CASKIN2: variants seen among roughly 807,000 people sequenced by gnomAD.
CASKIN2 encodes the protein CASK interacting protein 2.
CASKIN2 carries 41 observed loss-of-function variants against 107.1 expected under a neutral mutation model. The observed-to-expected ratio is 0.38, with a 90% CI of 0.30 to 0.50. The LOEUF is 0.50. Among genes scored for constraint, CASKIN2 ranks in the 20% least tolerant of loss-of-function variants. The pLI is 0.92. For synonymous variants in CASKIN2, 724 were observed against 705.6 expected, an observed-to-expected ratio of 1.03 and a Z score of -0.41; for missense variants, 1,546 against 1,657.4, an observed-to-expected ratio of 0.93 and a Z score of 1.17.
At chr17:75,503,807 C>T in intron 15 of CASKIN2, 45 bp downstream of exon 15, 3 of 1,609,970 alleles carry the variant, frequency 1.9e-6, no homozygotes, top group East Asian at 4.5e-5. Context: ...GCCTGCTGGG[C>T]CCTCCCCCGC....
chr17:75,501,231 G>A, intron 19 of CASKIN2, 61 bp from the exon 20 acceptor site: 1 of 1,452,894 alleles, frequency 6.9e-7, no homozygotes. Flanking sequence ...CTGGCCCTGG[G>A]GCAGGGAGCT....
intron 4 of CASKIN2, among the ~76,000 whole-genome samples, 158 bp from the exon 5 acceptor site, chr17:75,507,287 C>T (rs982018753): frequency 6.6e-6 from 1 of 151,232 alleles, no homozygotes; most frequent in Non-Finnish European, 1.5e-5. Context: ...AGGTTCGGCT[C>T]GACAGGGCTG....
Position 75,506,588 on chromosome 17 carries a change from G to T in CASKIN2, c.612C>A (p.Val204=). 1 of 1,613,112 alleles carries T rather than the reference G, an allele frequency of 6.2e-7. No homozygotes were observed. Among genetic ancestry groups the T allele is most frequent in the South Asian group, 1.1e-5 (1 of 91,046 alleles). ...HLAAKNGHRE[V]IRQLLRAGIE... ...CGAGGGGACCCCAAGGGTACCTGAT[G>T]ACTTCTCTGTGGCCATTCTTGGCAG... Residue 204 remains valine (V), a synonymous_variant, in exon 7 of 20, where the codon GTC becomes GTA. Coordinates refer to ENST00000321617, the MANE Select transcript of CASKIN2 (RefSeq NM_020753.5). The surrounding 1 kb of genome is among the most constrained non-coding windows in gnomAD (Gnocchi z 4.8).
At chr17:75,510,090 G>T (rs1318082172) in intron 2 of CASKIN2, among the ~76,000 whole-genome samples, 1 of 152,204 alleles carries the variant, frequency 6.6e-6, no homozygotes, top group Non-Finnish European at 1.5e-5. Context: ...CCTGGCGCTG[G>T]GGGTGGAAGG....
At chr17:75,508,406 C>T in intron 2 of CASKIN2, 121 bp from the exon 3 acceptor site, 1 of 1,085,180 alleles carries the variant, frequency 9.2e-7, no homozygotes, top group Non-Finnish European at 1.4e-6. Context: ...TGCCCCATGG[C>T]CTTCCGCCTG....
In CASKIN2 at chr17:75,507,142, A is replaced by G; in HGVS notation, c.245-13T>C. 6.2e-7 allele frequency: 1 copy of G among 1,602,686 alleles called. No individual in the cohort carries two copies. The highest frequency in any genetic ancestry group is 1.1e-5 in the South Asian group (1 of 90,568). On this transcript the variant is annotated splice_polypyrimidine_tract_variant and intron_variant, in intron 4 of 19. Coordinates refer to ENST00000321617, the MANE Select transcript of CASKIN2 (RefSeq NM_020753.5). The stretch of plus-strand genomic sequence containing the variant: ...AGCGGGCGCATGCCTGGCAGGAGGA[A>G]AGGGTTTCTGAGGGAGGTCCTGGGA...
At chr17:75,511,790 T>A (rs1330681967) in intron 2 of CASKIN2, among the ~76,000 whole-genome samples, 1 of 152,126 alleles carries the variant, frequency 6.6e-6, no homozygotes, top group Admixed American at 6.5e-5. Flanking sequence ...AGGGAACTTC[T>A]CGGAGCCTAA....
Position 75,506,627 on chromosome 17 carries a change from C to T in CASKIN2, c.573G>A (p.Thr191=), listed in dbSNP as rs147388151. The change falls in exon 7 of 20, where the codon ACG becomes ACA. Residue 191 remains threonine (T), a synonymous_variant. Coordinates refer to ENST00000321617, the MANE Select transcript of CASKIN2 (RefSeq NM_020753.5). The surrounding 1 kb of genome is among the most constrained non-coding windows in gnomAD (Gnocchi z 4.8). ...AKDPCDPNYT[T]PLHLAAKNGH... is the part of the protein sequence containing the mutation. ...CATTCTTGGCAGCCAAGTGCAGGGG[C>T]GTGGTGTAGTTGGGGTCACACGGGT... 813 of 1,612,948 alleles carry T rather than the reference C, an allele frequency of 5.0e-4. No individual in the cohort carries two copies. Among genetic ancestry groups the T allele is most frequent in the Non-Finnish European group, 6.5e-4 (763 of 1,179,854 alleles).
At chr17:75,503,625 G>A (rs766182506) in intron 16 of CASKIN2, 34 bp downstream of exon 16, 103 of 1,608,074 alleles carry the variant, frequency 6.4e-5, no homozygotes, top group Middle Eastern at 1.6e-4. Context: ...GTGACAGCAC[G>A]TGCCCCACTC....
At chr17:75,509,464 G>A (rs1042953243) in intron 2 of CASKIN2, 5 of 557,438 alleles carry the variant, frequency 9.0e-6, no homozygotes, top group Non-Finnish European at 1.1e-5. Context: ...CATGGCACAG[G>A]GAGGGAGGGG....
rs149873536 is a variant in CASKIN2 at position 75,503,885 on chromosome 17, A to G, written c.1545T>C (p.Tyr515=). Residue 515 remains tyrosine (Y), a synonymous_variant, in exon 15 of 20, where the codon TAT becomes TAC. Coordinates refer to ENST00000321617, the MANE Select transcript of CASKIN2 (RefSeq NM_020753.5). ...GYTAHFLQAG[Y]DVPTISRMTP... ...TCATGCGGCTGATGGTAGGCACATC[A>G]TAGCCGGCCTGCAGAAAGTGGGCAG... The G allele has an allele frequency of 7.5e-4, 1,215 of 1,612,748 alleles. No homozygotes were observed. The highest frequency in any genetic ancestry group is 9.5e-4 in the Non-Finnish European group (1,120 of 1,179,892).
chr17:75,504,918 G>A lies in CASKIN2; in HGVS notation c.1086C>T (p.Pro362=), dbSNP rs764042473. ...GTGTCCGGGAGAAGCCTGGGCGCAG[G>A]GGGGTGGGTGCGGAGGGGAGGCGGG... ...PAARLPSAPT[P]LRPGFSRTPQ... Residue 362 remains proline, a synonymous_variant, in exon 11 of 20, where the codon CCC becomes CCT. Transcript: ENST00000321617. The A allele has an allele frequency of 8.7e-6, 14 of 1,609,884 alleles. No homozygotes were observed. Among genetic ancestry groups the A allele is most frequent in the East Asian group, 6.7e-5 (3 of 44,818 alleles).
Position 75,513,807 on chromosome 17 carries a change from T to C in CASKIN2, c.-3A>G. 1 of 1,612,416 alleles carries C rather than the reference T, an allele frequency of 6.2e-7. No individual in the cohort carries two copies. The highest frequency in any genetic ancestry group is 8.5e-7 in the Non-Finnish European group (1 of 1,179,584). On this transcript the variant is annotated 5_prime_UTR_variant, in exon 2 of 20. Coordinates refer to ENST00000321617, the MANE Select transcript of CASKIN2 (RefSeq NM_020753.5). ...ATCAGGTCCTGTTCACGACCCATAC[T>C]GGCTCCTGGGCTGAGCTCTACACTC...
In CASKIN2 at chr17:75,502,700, G is replaced by T. The variant is rs747907169; in HGVS notation, c.2374C>A (p.Pro792Thr). The change falls in exon 18 of 20, where the codon CCT (proline) becomes ACT (threonine). Residue 792 changes from proline (P) to threonine (T), a missense_variant. Transcript: ENST00000321617. This position sits in a 1 kb window ranked among gnomAD's most constrained non-coding sequence, Gnocchi z 4.3. The stretch of plus-strand genomic sequence containing the variant: ...CTGTGGGACCGGCGCTTAGGTCGAG[G>T]CGGGTCTGGGGGAGTGGCAGGGGGC... Reference protein sequence around the residue: ...AGPPATPPDPPRPKRRSHSLS... With the variant: ...AGPPATPPDPTRPKRRSHSLS... 6.3e-7 allele frequency: 1 copy of T among 1,592,944 alleles called. No homozygotes were observed. Among genetic ancestry groups the T allele is most frequent in the East Asian group, 2.3e-5 (1 of 44,126 alleles).
intron 2 of CASKIN2, among the ~76,000 whole-genome samples, chr17:75,513,152 C>A (rs1768266824): frequency 6.6e-6 from 1 of 152,052 alleles, no homozygotes; most frequent in African/African-American, 2.4e-5. Context: ...TAGAACAGAG[C>A]CTGAGCCAGG....
In CASKIN2 at chr17:75,508,266, C is replaced by T. The variant is rs1200938909; in HGVS notation, c.114G>A (p.Lys38=). The stretch of plus-strand genomic sequence containing the variant: ...CATCCTGGTAGTTCACGTTGAGCCT[C>T]TTTGTGGAGCCCAGGAGCTCTAGGG... ...ATKTKLLGST[K]RLNVNYQDAD... The change falls in exon 3 of 20, where the codon AAG becomes AAA. Residue 38 remains lysine, a synonymous_variant. Coordinates refer to ENST00000321617, the MANE Select transcript of CASKIN2 (RefSeq NM_020753.5). 1 of 1,613,904 alleles carries T rather than the reference C, an allele frequency of 6.2e-7. No individual in the cohort carries two copies. The highest frequency in any genetic ancestry group is 1.3e-5 in the African/African-American group (1 of 75,050).
intron 2 of CASKIN2, among the ~76,000 whole-genome samples, chr17:75,511,442 T>C (rs975442297): frequency 6.6e-6 from 1 of 152,240 alleles, no homozygotes; most frequent in African/African-American, 2.4e-5. Context: ...TGCCATGCTA[T>C]GGCTGTGTGA....
rs370188421 is a variant in CASKIN2, at chr17:75,502,258, G to A, written c.2816C>T (p.Thr939Met). ...CCCAGAGCTGCCCCGAGATGGGGGC[G>A]TCCCCTCAGGGCCTGGCTCCTCCTC... ...TEEEEPGPEG[T>M]PPSRGSSGEG... is the part of the protein sequence containing the mutation. The change falls in exon 18 of 20, where the codon ACG becomes ATG. Residue 939 changes from threonine (T) to methionine (M), a missense_variant. By Grantham distance (81) the Thr-to-Met change is moderately conservative. Transcript: ENST00000321617. This position sits in a 1 kb window ranked among gnomAD's most constrained non-coding sequence, Gnocchi z 4.3. 3.4e-4 allele frequency: 521 copies of A among 1,547,196 alleles called. 4 individuals are homozygous for A. The East Asian group carries it at 9.3e-3, about 28-fold the overall frequency.
rs929928428 is a variant in CASKIN2 at position 75,500,624 on chromosome 17, C to G, written c.*456G>C. ...TATTTACATGTCCTCTGTACACCTA[C>G]GGAGAGGGGGCCCGGCCAGACACAC... On this transcript the variant is annotated 3_prime_UTR_variant, in exon 20 of 20. Transcript: ENST00000321617. The G allele has an allele frequency of 4.6e-6, 1 of 218,104 alleles. No homozygotes were observed. Among genetic ancestry groups the G allele is most frequent in the East Asian group, 1.5e-4 (1 of 6,638 alleles). The allele number at this position is 218,104 out of a possible 1,614,324, so 13.5% of individuals were successfully genotyped here. A position where few individuals can be genotyped will look rare whatever the true frequency, so the allele number is the denominator to read the frequency against.
Sources: gnomAD v4.1 joint callset for allele counts (sites outside exome capture counted in the v4.1 genomes callset) on GRCh38, gnomAD v4.1.1 for gene constraint, Gnocchi (gnomAD v3.1) non-coding constraint, MANE v1.5 for transcripts, NCBI Gene and HGNC (gene_info 2026-07-23, HGNC 2026-07-21) for gene names.